Variants in SH3GL2 observed in about 807,000 individuals in gnomAD.
SH3GL2 encodes the protein SH3 domain containing GRB2 like 2, endophilin A1, also known as endophilin-A1.
SH3GL2 carries 24 observed loss-of-function variants against 46.0 expected under a neutral mutation model. The observed-to-expected ratio is 0.52, with a 90% CI of 0.38 to 0.73. The LOEUF is 0.73. Among genes scored for constraint, SH3GL2 ranks in the 30% least tolerant of loss-of-function variants. The probability of loss-of-function intolerance (pLI) is 0.00; values close to 1 mark genes in which losing one functional copy is unlikely to be tolerated. For synonymous variants in SH3GL2, 196 were observed against 147.1 expected, an observed-to-expected ratio of 1.33 and a Z score of -2.40; for missense variants, 413 against 424.2, an observed-to-expected ratio of 0.97 and a Z score of 0.23.
chr9:17,672,566 C>T (rs1418327718), intron 1 of SH3GL2, among the ~76,000 whole-genome samples: 3 of 152,132 alleles, frequency 2.0e-5, no homozygotes, highest in South Asian at 4.1e-4. Flanking sequence ...GGATCCTGAT[C>T]TGTAATCCTT....
At chr9:17,721,216 A>G (rs1821886600) in intron 1 of SH3GL2, among the ~76,000 whole-genome samples, 1 of 152,068 alleles carries the variant, frequency 6.6e-6, no homozygotes, top group African/African-American at 2.4e-5. Flanking sequence ...GATTGAGAAA[A>G]TTAACATCGA....
chr9:17,725,325 G>A (rs938163029), intron 1 of SH3GL2, among the ~76,000 whole-genome samples: 1 of 152,078 alleles, frequency 6.6e-6, no homozygotes, highest in African/African-American at 2.4e-5. Context: ...GTCTCTAGGG[G>A]TGAGTGTGAT....
At chr9:17,609,448 A>C (rs1225229957) in intron 1 of SH3GL2, among the ~76,000 whole-genome samples, 1 of 152,100 alleles carries the variant, frequency 6.6e-6, no homozygotes, top group East Asian at 1.9e-4. Context: ...TAAGCCAAGC[A>C]GGTAGAATAG....
intron 1 of SH3GL2, among the ~76,000 whole-genome samples, chr9:17,669,905 A>G (rs1820431660): frequency 6.6e-6 from 1 of 152,206 alleles, no homozygotes; most frequent in South Asian, 2.1e-4. Flanking sequence ...AGAAAGAAAA[A>G]GAACAGCTCT....
At chr9:17,610,290 G>T (rs753672729) in intron 1 of SH3GL2, among the ~76,000 whole-genome samples, 2 of 152,168 alleles carry the variant, frequency 1.3e-5, no homozygotes, top group Non-Finnish European at 2.9e-5. Context: ...GATAACAAAT[G>T]AACTTCCTGA....
chr9:17,747,238 T>C (rs1215033377), intron 2 of SH3GL2, 104 bp downstream of exon 2: 3 of 648,272 alleles, frequency 4.6e-6, no homozygotes, highest in Non-Finnish European at 8.2e-6. Context: ...CACTGGTCTC[T>C]GAGAATACTA....
chr9:17,607,388 A>G (rs567449855), intron 1 of SH3GL2, among the ~76,000 whole-genome samples: 19 of 152,352 alleles, frequency 1.2e-4, no homozygotes, highest in African/African-American at 4.6e-4. Flanking sequence ...GATTAAAAAT[A>G]GTATAACTGT....
rs1823171132 is a variant in SH3GL2 at position 17,761,441 on chromosome 9, T to C, written c.119T>C (p.Val40Ala). The C allele has an allele frequency of 6.3e-7, 1 of 1,599,464 alleles. No individual in the cohort carries two copies. The highest frequency in any genetic ancestry group is 8.6e-7 in the Non-Finnish European group (1 of 1,166,738). ...GCACTTATTTTCTCATTTCAGAAAG[T>C]GGATGTCACCAGCAGGGCTGTGATG... ...DDDFKEMERK[V>A]DVTSRAVMEI... Residue 40 changes from valine to alanine, a missense_variant, in exon 3 of 9, where the codon GTG becomes GCG. Physicochemically the swap from Val to Ala is moderately conservative, Grantham distance 64. Transcript: ENST00000380607.
At chr9:17,660,348 G>C (rs1820182025) in intron 1 of SH3GL2, among the ~76,000 whole-genome samples, 1 of 152,152 alleles carries the variant, frequency 6.6e-6, no homozygotes, top group South Asian at 2.1e-4. Context: ...TCTTTGGGTA[G>C]GATGTGTTCT....
At chr9:17,653,753 A>G (rs1036494054) in intron 1 of SH3GL2, 1 of 254,742 alleles carries the variant, frequency 3.9e-6, no homozygotes, top group South Asian at 1.5e-4. Flanking sequence ...TAACTTTTAC[A>G]TGGAAGCCTG....
intron 1 of SH3GL2, among the ~76,000 whole-genome samples, chr9:17,632,314 T>C (rs1410387916): frequency 6.6e-6 from 1 of 152,172 alleles, no homozygotes; most frequent in African/African-American, 2.4e-5. Flanking sequence ...AACACAACTA[T>C]TTTTAGTTTT....
intron 1 of SH3GL2, among the ~76,000 whole-genome samples, chr9:17,607,785 T>C (rs756577814): frequency 6.6e-6 from 1 of 152,202 alleles, no homozygotes; most frequent in Non-Finnish European, 1.5e-5. Context: ...TTGATTGTGT[T>C]TTGTTTCATC....
At chr9:17,581,207 G>T (rs1212094277) in intron 1 of SH3GL2, among the ~76,000 whole-genome samples, 1 of 152,032 alleles carries the variant, frequency 6.6e-6, no homozygotes, top group Non-Finnish European at 1.5e-5. Flanking sequence ...AAAATAGAGC[G>T]CTCCATTTCC....
intron 2 of SH3GL2, among the ~76,000 whole-genome samples, chr9:17,756,094 C>T (rs1044733995): frequency 2.6e-5 from 4 of 152,026 alleles, no homozygotes; most frequent in African/African-American, 7.2e-5. Context: ...AACACAAAAG[C>T]GTCCATTGAC....
intron 1 of SH3GL2, among the ~76,000 whole-genome samples, chr9:17,611,429 TAGAA>T (rs1818864446): frequency 6.6e-6 from 1 of 152,198 alleles, no homozygotes; most frequent in Non-Finnish European, 1.5e-5. Flanking sequence ...TACAATTTAA[TAGAA>T]AGAGAAGCTC....
intron 3 of SH3GL2, among the ~76,000 whole-genome samples, chr9:17,782,231 C>CTTGGTGTGGGACTCGTGAT (rs1262242846): frequency 6.6e-6 from 1 of 151,924 alleles, no homozygotes; most frequent in Non-Finnish European, 1.5e-5. Context: ...TTTTAAACTC[C>CTTGGTGTGGGACTCGTGAT]TTGGTGTGGG....
chr9:17,699,153 CAAAA>C (rs3084657), intron 1 of SH3GL2, among the ~76,000 whole-genome samples: 9,903 of 86,424 alleles, frequency 0.11, 297 homozygotes, highest in Admixed American at 0.18. Flanking sequence ...GACTCTGTCT[CAAAA>C]AAAAAAAAAA....
chr9:17,679,636 A>G (rs1820713822), intron 1 of SH3GL2, among the ~76,000 whole-genome samples: 1 of 152,112 alleles, frequency 6.6e-6, no homozygotes, highest in Non-Finnish European at 1.5e-5. Context: ...CTCCTGCCTG[A>G]TTGCCCTGGC....
intron 1 of SH3GL2, among the ~76,000 whole-genome samples, chr9:17,715,197 T>TC (rs1003537316): frequency 1.0e-4 from 15 of 150,542 alleles, no homozygotes; most frequent in African/African-American, 3.6e-4. Flanking sequence ...TTCTTTTCTT[T>TC]TTTTTTTTTT....
Sources: allele counts gnomAD v4.1 joint callset (sites outside exome capture counted in the v4.1 genomes callset), GRCh38; gene constraint gnomAD v4.1.1; transcripts MANE v1.5; gene names NCBI Gene and HGNC (gene_info 2026-07-23, HGNC 2026-07-21).